Variants in MPP3 observed in about 807,000 individuals in gnomAD.
MPP3 encodes the protein MAGUK p55 subfamily member 3.
MPP3 carries 48 observed loss-of-function variants against 80.7 expected under a neutral mutation model. That is an observed-to-expected ratio of 0.59 (90% CI 0.47 to 0.76). The LOEUF (loss-of-function observed/expected upper bound fraction) is 0.76. MPP3 is among the 30% of genes least tolerant of loss of function. The probability of loss-of-function intolerance (pLI) is 0.00; values close to 1 mark genes in which losing one functional copy is unlikely to be tolerated. For synonymous variants in MPP3, 311 were observed against 297.6 expected (o/e 1.04, Z -0.46); for missense variants, 620 against 763.0 (o/e 0.81, Z 2.21).
chr17:43,829,518 C>T (rs1307054122), intron 7 of MPP3, 136 bp downstream of exon 7: 4 of 1,023,442 alleles, frequency 3.9e-6, no homozygotes, highest in Non-Finnish European at 5.7e-6. Flanking sequence ...AGAGGCACCA[C>T]AGGGATGAGC....
intron 14 of MPP3, 79 bp downstream of exon 14, chr17:43,815,959 C>T (rs1202714753): frequency 7.7e-7 from 1 of 1,305,902 alleles, no homozygotes; most frequent in South Asian, 1.6e-5. Context: ...GCTCAGATCA[C>T]CCTGCTTTGA....
At chr17:43,804,588 TAAAAG>T (rs1197567158) in intron 19 of MPP3, among the ~76,000 whole-genome samples, 5 of 152,148 alleles carry the variant, frequency 3.3e-5, no homozygotes, top group Admixed American at 1.3e-4. Flanking sequence ...ATAAATATCT[TAAAAG>T]AAAACAAAGG....
chr17:43,822,520 C>T (rs1453293474), intron 10 of MPP3, among the ~76,000 whole-genome samples: 1 of 151,770 alleles, frequency 6.6e-6, no homozygotes, highest in Non-Finnish European at 1.5e-5. Context: ...TCTCATCAAC[C>T]ACCATCTCAC....
chr17:43,816,566 G>A, intron 13 of MPP3, 111 bp downstream of exon 13: 1 of 1,001,556 alleles, frequency 1.0e-6, no homozygotes, highest in South Asian at 1.4e-5. Flanking sequence ...TGCGCAGACA[G>A]TGGGAGGGGC....
At chr17:43,813,237 T>G (rs903222161) in intron 16 of MPP3, among the ~76,000 whole-genome samples, 1 of 152,172 alleles carries the variant, frequency 6.6e-6, no homozygotes, top group Non-Finnish European at 1.5e-5. Context: ...TGCCTGGGTA[T>G]GAATCCTGGC....
chr17:43,824,087 A>G, intron 9 of MPP3, 82 bp from the exon 10 acceptor site: 1 of 992,586 alleles, frequency 1.0e-6, no homozygotes, highest in East Asian at 2.7e-5. Context: ...AGGCCTAAAA[A>G]CTGATGTTCA....
At chr17:43,823,533 G>A (rs1186291466) in intron 10 of MPP3, among the ~76,000 whole-genome samples, 1 of 152,196 alleles carries the variant, frequency 6.6e-6, no homozygotes, top group East Asian at 1.9e-4. Context: ...AAGAGTCCCT[G>A]TCTCCAGCAT....
intron 12 of MPP3, among the ~76,000 whole-genome samples, chr17:43,817,668 A>G (rs1370207164): frequency 6.6e-6 from 1 of 152,192 alleles, no homozygotes; most frequent in Non-Finnish European, 1.5e-5. Flanking sequence ...CAGGTCACAC[A>G]TGGCCTTCTC....
chr17:43,817,185 G>T (rs1052366835), intron 12 of MPP3, among the ~76,000 whole-genome samples: 4 of 152,154 alleles, frequency 2.6e-5, no homozygotes, highest in African/African-American at 9.7e-5. Context: ...TTACAAGTCT[G>T]CCCTCTAGTA....
chr17:43,829,565 G>C (rs1371930572), intron 7 of MPP3, 89 bp downstream of exon 7: 3 of 1,496,198 alleles, frequency 2.0e-6, no homozygotes, highest in Non-Finnish European at 2.7e-6. Flanking sequence ...TCACTCTGAA[G>C]ACTTCGGGGA....
rs752817272 is a variant in MPP3 at position 43,827,751 on chromosome 17, C to T, written c.523G>A (p.Gly175Ser). The change falls in exon 8 of 20, where the codon GGC becomes AGC. Residue 175 changes from glycine to serine, a missense_variant and splice_region_variant. Coordinates refer to ENST00000398389, the MANE Select transcript of MPP3 (RefSeq NM_001932.6). ...IMRGGAADRS[G>S]LVHVGDELRE... ...CCAGCTTTGCACTGCCGCCACTCACCGCTCCTGTCTGCTGCGCCTCCTCGC... is the reference window on the plus strand; with the variant it reads ...CCAGCTTTGCACTGCCGCCACTCACTGCTCCTGTCTGCTGCGCCTCCTCGC... The T allele has an allele frequency of 4.2e-5, 67 of 1,610,696 alleles. No individual in the cohort carries two copies. Among genetic ancestry groups the T allele is most frequent in the East Asian group, 1.3e-4 (6 of 44,900 alleles).
intron 11 of MPP3, among the ~76,000 whole-genome samples, chr17:43,820,088 G>A (rs1373195901): frequency 6.6e-6 from 1 of 152,062 alleles, no homozygotes; most frequent in African/African-American, 2.4e-5. Flanking sequence ...TGGGACTACA[G>A]GTGTGTGCAA....
At position 43,801,665 on chromosome 17, in the gene MPP3, C is replaced by T; in HGVS notation, c.*36G>A. 6 of 1,602,044 alleles carry T rather than the reference C, an allele frequency of 3.7e-6. No homozygotes were observed. Among genetic ancestry groups the T allele is most frequent in the Non-Finnish European group, 5.1e-6 (6 of 1,169,942 alleles). On this transcript the variant is annotated 3_prime_UTR_variant, in exon 20 of 20. Coordinates refer to ENST00000398389, the MANE Select transcript of MPP3 (RefSeq NM_001932.6). ...GAGGGAGTCTGGACTAGATGATCTT[C>T]AAGGTCCCGTCCAGCTTGGATGTTC...
chr17:43,826,832 T>TATATATATATATATATATATA (rs1567824060), intron 8 of MPP3, among the ~76,000 whole-genome samples: 17 of 110,756 alleles, frequency 1.5e-4, no homozygotes, highest in African/African-American at 6.5e-4. Flanking sequence ...ATATATATAT[T>TATATATATATATATATATATA]TTTTTTTTTT....
Position 43,811,186 on chromosome 17 carries a change from C to T in MPP3, c.1275G>A (p.Lys425=), listed in dbSNP as rs1375742701. ...VAVPHTTRPR[K]SHEKEGVEYH... is the part of the protein sequence containing the mutation. Reference sequence around the variant, plus strand: ...ATTCCACTCCTTCCTTCTCATGGCTCTTTCGGGGCCTGGTGGTATCTTTTA... The same window carrying T: ...ATTCCACTCCTTCCTTCTCATGGCTTTTTCGGGGCCTGGTGGTATCTTTTA... Residue 425 remains lysine (K), a synonymous_variant, in exon 17 of 20, where the codon AAG becomes AAA. Coordinates refer to ENST00000398389, the MANE Select transcript of MPP3 (RefSeq NM_001932.6). 4 of 1,613,906 alleles carry T rather than the reference C, an allele frequency of 2.5e-6. No homozygotes were observed. In the South Asian group the frequency reaches 3.3e-5, roughly 13 times the overall value.
In MPP3 at chr17:43,816,024, G is replaced by A; in HGVS notation, c.1009+14C>T. ...GGCAGGTCGTGCATGTGGGTGTCAG[G>A]GGGAGCTACTTACCCACATAGTGCC... On this transcript the variant is annotated intron_variant, in intron 14 of 19. Transcript: ENST00000398389. 6.7e-7 allele frequency: 1 copy of A among 1,491,492 alleles called. No individual in the cohort carries two copies. The highest frequency in any genetic ancestry group is 1.4e-5 in the African/African-American group (1 of 69,246). The allele number at this position is 1,491,492 out of a possible 1,614,324, so 92.4% of individuals were successfully genotyped here. A position where few individuals can be genotyped will look rare whatever the true frequency, so the allele number is the denominator to read the frequency against.
At chr17:43,817,933 G>C in intron 12 of MPP3, 113 bp downstream of exon 12, 1 of 807,586 alleles carries the variant, frequency 1.2e-6, no homozygotes, top group Non-Finnish European at 1.9e-6. Context: ...CATGAGCTCA[G>C]ACAAGACCCC....
At chr17:43,804,078 G>C (rs1334709247) in intron 19 of MPP3, among the ~76,000 whole-genome samples, 1 of 152,182 alleles carries the variant, frequency 6.6e-6, no homozygotes, top group Non-Finnish European at 1.5e-5. Flanking sequence ...ATTTGGCCTT[G>C]AGTCCTAGGA....
intron 12 of MPP3, among the ~76,000 whole-genome samples, chr17:43,817,669 T>A (rs552690622): frequency 1.9e-4 from 29 of 152,338 alleles, no homozygotes; most frequent in African/African-American, 5.5e-4. Flanking sequence ...AGGTCACACA[T>A]GGCCTTCTCC....
Sources: gnomAD v4.1 joint callset for allele counts (sites outside exome capture counted in the v4.1 genomes callset) on GRCh38, gnomAD v4.1.1 for gene constraint, MANE v1.5 for transcripts, NCBI Gene and HGNC (gene_info 2026-07-23, HGNC 2026-07-21) for gene names.